Variants in SEMA6D observed in about 807,000 individuals in gnomAD.
SEMA6D encodes the protein semaphorin-6D.
In SEMA6D, 35 loss-of-function variants were observed where a neutral mutation model predicts 106.6. The ratio of observed to expected loss-of-function variants is 0.33; its 90% CI spans 0.25 to 0.44. SEMA6D has a LOEUF of 0.44. Ranked by LOEUF, SEMA6D falls within the 20% of genes least tolerant of loss-of-function variation. The pLI, the probability that SEMA6D is intolerant of heterozygous loss-of-function variation, is 1.00. For missense variants in SEMA6D, 1,185 were observed against 1,345.9 expected (o/e 0.88, Z 1.87); for synonymous variants, 499 against 487.7 (o/e 1.02, Z -0.31).
chr15:47,688,926 A>G (rs2078527321), intron 4 of SEMA6D, among the ~76,000 whole-genome samples: 1 of 152,222 alleles, frequency 6.6e-6, no homozygotes. Flanking sequence ...AGGCAAAGGA[A>G]ATGACTCATG....
At chr15:47,184,844 G>C (rs114892604) in intron 1 of SEMA6D, among the ~76,000 whole-genome samples, 3,184 of 152,328 alleles carry the variant, frequency 0.021, 47 homozygotes, top group African/African-American at 0.029. Flanking sequence ...GATCCGGGTC[G>C]GCAGCCGGCT....
chr15:47,254,878 TGTGTGTGTG>T (rs2033717002), intron 1 of SEMA6D, among the ~76,000 whole-genome samples: 8 of 135,036 alleles, frequency 5.9e-5, no homozygotes, highest in African/African-American at 2.3e-4. Context: ...TGTGGTTTTG[TGTGTGTGTG>T]TGTGTGTGTG....
At chr15:47,528,775 C>G (rs1190352674) in intron 3 of SEMA6D, among the ~76,000 whole-genome samples, 1 of 152,154 alleles carries the variant, frequency 6.6e-6, no homozygotes, top group Non-Finnish European at 1.5e-5. Context: ...CTGGCTGGCC[C>G]TTTGAAAATA....
At chr15:47,268,793 G>A (rs540547541) in intron 1 of SEMA6D, among the ~76,000 whole-genome samples, 23 of 152,258 alleles carry the variant, frequency 1.5e-4, no homozygotes, top group African/African-American at 4.8e-4. Context: ...GGGGCCAGGA[G>A]TAATTTTAAG....
chr15:47,612,995 G>A (rs1172860195), intron 4 of SEMA6D, among the ~76,000 whole-genome samples: 4 of 152,130 alleles, frequency 2.6e-5, no homozygotes, highest in African/African-American at 9.7e-5. Flanking sequence ...AAAACATAAT[G>A]TTGGTGAATT....
chr15:47,424,196 C>T (rs1487359298), intron 2 of SEMA6D, among the ~76,000 whole-genome samples: 1 of 152,054 alleles, frequency 6.6e-6, no homozygotes, highest in African/African-American at 2.4e-5. Context: ...GCACTCGAAA[C>T]ATCCTCTGAT....
chr15:47,306,147 A>C (rs991244682), intron 1 of SEMA6D, among the ~76,000 whole-genome samples: 63 of 151,472 alleles, frequency 4.2e-4, no homozygotes, highest in Non-Finnish European at 2.4e-4. Flanking sequence ...ATGCCCAACT[A>C]ATTTTTTTGT....
At chr15:47,488,440 T>TTTTCATATCAAAGCATACAG (rs1442144690) in intron 3 of SEMA6D, among the ~76,000 whole-genome samples, 7 of 151,938 alleles carry the variant, frequency 4.6e-5, no homozygotes, top group African/African-American at 1.5e-4. Context: ...CTTGGAGATC[T>TTTTCATATCAAAGCATACAG]TTTCATATCA....
rs1555411185 is a variant in SEMA6D at position 47,254,875 on chromosome 15, T to TTTTTTG, written c.-239+70458_-239+70459insTTTTGT. 1.2e-3 allele frequency among the ~76,000 whole-genome samples: 165 copies of TTTTTTG among 134,402 alleles called. 1 individual carries two copies. The highest frequency in any genetic ancestry group is 4.3e-3 in the African/African-American group (153 of 35,592). 88.2% of individuals were successfully genotyped at this position (134,402 alleles called of 152,430 possible). On this transcript the variant is annotated intron_variant, in intron 1 of 19. Coordinates refer to the SEMA6D transcript ENST00000558014. ...TCATCAGGGATATTGACCTGTGGTT[T>TTTTTTG]TGTGTGTGTGTGTGTGTGTGTGTGT...
intron 1 of SEMA6D, among the ~76,000 whole-genome samples, chr15:47,252,819 A>G (rs1279421024): frequency 6.6e-6 from 1 of 152,074 alleles, no homozygotes; most frequent in African/African-American, 2.4e-5. Context: ...TGTTGATTTC[A>G]TCTCTTGGTG....
At chr15:47,512,913 T>C (rs2044275493) in intron 3 of SEMA6D, among the ~76,000 whole-genome samples, 1 of 152,144 alleles carries the variant, frequency 6.6e-6, no homozygotes, top group Non-Finnish European at 1.5e-5. Flanking sequence ...ATGGGAGAAA[T>C]GTGTTCCATG....
intron 18 of SEMA6D, among the ~76,000 whole-genome samples, chr15:47,770,043 G>A (rs952045181): frequency 6.6e-6 from 1 of 152,102 alleles, no homozygotes; most frequent in Non-Finnish European, 1.5e-5. Flanking sequence ...TTGTATCAGA[G>A]TAATTATTTT....
At chr15:47,765,455 A>C in intron 13 of SEMA6D, 1 of 992,582 alleles carries the variant, frequency 1.0e-6, no homozygotes, top group Non-Finnish European at 1.2e-6. Context: ...CCTATCTTTA[A>C]TAAGTAAGAG....
intron 3 of SEMA6D, among the ~76,000 whole-genome samples, chr15:47,599,824 T>C (rs16959739): frequency 1.3e-5 from 2 of 152,008 alleles, no homozygotes; most frequent in African/African-American, 2.4e-5. Flanking sequence ...ATTTTGCCCA[T>C]TAAGAAAGAG....
chr15:47,700,693 G>A (rs941934634), intron 4 of SEMA6D, among the ~76,000 whole-genome samples: 1 of 152,162 alleles, frequency 6.6e-6, no homozygotes, highest in Non-Finnish European at 1.5e-5. Flanking sequence ...GGGAGGCTGA[G>A]ACAGGAGAAT....
chr15:47,526,730 AATT>A (rs1249321432), intron 3 of SEMA6D, among the ~76,000 whole-genome samples: 1 of 151,890 alleles, frequency 6.6e-6, no homozygotes, highest in Admixed American at 6.6e-5. Flanking sequence ...TGGAACCAAT[AATT>A]ATTATTATTT....
chr15:47,594,388 C>T (rs1466476430), intron 3 of SEMA6D, among the ~76,000 whole-genome samples: 1 of 152,202 alleles, frequency 6.6e-6, no homozygotes, highest in African/African-American at 2.4e-5. Flanking sequence ...TTAGCATACC[C>T]ATCACCTTAC....
intron 2 of SEMA6D, among the ~76,000 whole-genome samples, chr15:47,463,386 G>A (rs943776385): frequency 1.3e-5 from 2 of 152,128 alleles, no homozygotes; most frequent in African/African-American, 2.4e-5. Context: ...AAGTTCTCTT[G>A]ACTCAATTCG....
chr15:47,262,568 G>A (rs1442058141), intron 1 of SEMA6D, among the ~76,000 whole-genome samples: 1 of 152,018 alleles, frequency 6.6e-6, no homozygotes, highest in Non-Finnish European at 1.5e-5. Context: ...TCATGATTCA[G>A]TTATCTCCAC....
Sources: allele counts gnomAD v4.1 joint callset (sites outside exome capture counted in the v4.1 genomes callset), GRCh38; gene constraint gnomAD v4.1.1; transcripts MANE v1.5; gene names NCBI Gene and HGNC (gene_info 2026-07-23, HGNC 2026-07-21).